The following GRM1 variants were observed in gnomAD, a reference collection of about 807,000 sequenced individuals.
GRM1 encodes glutamate metabotropic receptor 1.
GRM1 carries 33 observed loss-of-function variants against 90.9 expected under a neutral mutation model. That is an observed-to-expected ratio of 0.36 (90% CI 0.28 to 0.49). The LOEUF is 0.49. GRM1 is among the 20% of genes least tolerant of loss of function. The pLI is 0.99. For synonymous variants in GRM1, 700 were observed against 613.2 expected, an observed-to-expected ratio of 1.14 and a Z score of -2.09; for missense variants, 1,190 against 1,534.3, an observed-to-expected ratio of 0.78 and a Z score of 3.75.
At chr6:146,083,038 G>T (rs917516839) in intron 1 of GRM1, among the ~76,000 whole-genome samples, 2 of 152,090 alleles carry the variant, frequency 1.3e-5, no homozygotes, top group African/African-American at 4.8e-5. Context: ...CTCTCTGCTT[G>T]TGTATTGTTG....
chr6:146,074,535 G>T (rs1051635230), intron 1 of GRM1, among the ~76,000 whole-genome samples: 1 of 152,100 alleles, frequency 6.6e-6, no homozygotes, highest in Admixed American at 6.5e-5. Flanking sequence ...TTTGTCAGTC[G>T]TGGGATATTT....
At chr6:146,079,058 A>G (rs919743028) in intron 1 of GRM1, among the ~76,000 whole-genome samples, 1 of 152,202 alleles carries the variant, frequency 6.6e-6, no homozygotes, top group African/African-American at 2.4e-5. Context: ...CGGAGGGGCC[A>G]GGCTCCTCCT....
At chr6:146,386,406 C>T (rs907093290) in intron 5 of GRM1, among the ~76,000 whole-genome samples, 2 of 151,980 alleles carry the variant, frequency 1.3e-5, no homozygotes, top group African/African-American at 2.4e-5. Context: ...TATATAGTTG[C>T]TCTTGAGTGA....
intron 5 of GRM1, among the ~76,000 whole-genome samples, chr6:146,369,580 G>T (rs1388384446): frequency 2.0e-5 from 3 of 151,748 alleles, no homozygotes; most frequent in African/African-American, 7.3e-5. Context: ...TGGACCTATT[G>T]GTCATTCAGT....
intron 2 of GRM1, among the ~76,000 whole-genome samples, chr6:146,286,741 G>C (rs756295234): frequency 6.6e-6 from 1 of 152,152 alleles, no homozygotes; most frequent in Non-Finnish European, 1.5e-5. Context: ...TAAAAACCTG[G>C]TTCAACTGAC....
chr6:146,031,580 C>G (rs1790708912), intron 1 of GRM1, among the ~76,000 whole-genome samples: 1 of 150,668 alleles, frequency 6.6e-6, no homozygotes, highest in South Asian at 2.1e-4. Flanking sequence ...TTGGAAAAAA[C>G]TATCTGCTGT....
intron 2 of GRM1, among the ~76,000 whole-genome samples, chr6:146,259,234 T>C (rs1781593004): frequency 1.3e-5 from 2 of 152,196 alleles, no homozygotes; most frequent in Non-Finnish European, 2.9e-5. Context: ...AAATCTAGGA[T>C]GGTGGCCTGA....
At chr6:146,329,131 T>C (rs918754542) in intron 3 of GRM1, among the ~76,000 whole-genome samples, 2 of 152,290 alleles carry the variant, frequency 1.3e-5, no homozygotes, top group South Asian at 2.1e-4. Flanking sequence ...TCTTAGATCA[T>C]AGATTCCTTA....
intron 2 of GRM1, among the ~76,000 whole-genome samples, chr6:146,227,291 C>T (rs1780275976): frequency 6.6e-6 from 1 of 152,024 alleles, no homozygotes; most frequent in African/African-American, 2.4e-5. Context: ...GCCCCACTTT[C>T]ACAGTGGGGT....
In GRM1 at chr6:146,387,030, C is replaced by T. The variant is rs756861363; in HGVS notation, c.1729+14C>T. ...CAGATCTAACAGGTAGGAACTGCCT[C>T]ACTTGGAAACCTTGTGCCTCACTAT... On this transcript the variant is annotated intron_variant, in intron 6 of 7. Coordinates refer to ENST00000282753, the MANE Select transcript of GRM1 (RefSeq NM_001278064.2). 64 of 1,612,014 alleles carry T rather than the reference C, an allele frequency of 4.0e-5. No individual in the cohort carries two copies. The highest frequency in any genetic ancestry group is 5.2e-5 in the Non-Finnish European group (61 of 1,178,438).
intron 2 of GRM1, among the ~76,000 whole-genome samples, chr6:146,161,242 G>A (rs771846076): frequency 1.3e-5 from 2 of 152,078 alleles, no homozygotes; most frequent in East Asian, 1.9e-4. Flanking sequence ...TCAAAAAAGG[G>A]TTCTGGAGAT....
At chr6:146,039,703 A>T (rs1290558487) in intron 1 of GRM1, among the ~76,000 whole-genome samples, 1 of 151,960 alleles carries the variant, frequency 6.6e-6, no homozygotes, top group African/African-American at 2.4e-5. Flanking sequence ...TTGTCAAGAG[A>T]TGATTAGAGT....
chr6:146,387,408 T>C (rs993821432), intron 6 of GRM1, among the ~76,000 whole-genome samples: 27 of 152,048 alleles, frequency 1.8e-4, no homozygotes, highest in African/African-American at 6.3e-4. Context: ...TTTTATTTTG[T>C]ATAAAATCTA....
At chr6:146,275,366 T>C (rs1273433283) in intron 2 of GRM1, among the ~76,000 whole-genome samples, 1 of 152,084 alleles carries the variant, frequency 6.6e-6, no homozygotes, top group South Asian at 2.1e-4. Flanking sequence ...TTGCTAGGCG[T>C]GTACATGGGA....
chr6:146,339,926 C>T (rs1324730508), intron 3 of GRM1, among the ~76,000 whole-genome samples: 1 of 152,152 alleles, frequency 6.6e-6, no homozygotes, highest in East Asian at 1.9e-4. Flanking sequence ...CTGCAACATC[C>T]CTTGGCACAC....
At chr6:146,086,568 G>A (rs1387657891) in intron 1 of GRM1, among the ~76,000 whole-genome samples, 3 of 151,990 alleles carry the variant, frequency 2.0e-5, no homozygotes, top group Non-Finnish European at 4.4e-5. Flanking sequence ...GATATAAAAA[G>A]TAGGAGATAA....
chr6:146,256,782 A>G (rs1375464841), intron 2 of GRM1, among the ~76,000 whole-genome samples: 3 of 152,112 alleles, frequency 2.0e-5, no homozygotes, highest in Admixed American at 2.0e-4. Context: ...GGTCCGTCCT[A>G]TACAATGCTG....
intron 2 of GRM1, among the ~76,000 whole-genome samples, chr6:146,283,335 T>G (rs1329431771): frequency 6.6e-6 from 1 of 152,180 alleles, no homozygotes; most frequent in East Asian, 1.9e-4. Context: ...AAGTCCTGAG[T>G]TAAGAATGTC....
Position 146,215,130 on chromosome 6 carries a change from G to T in GRM1, c.950+55533G>T, listed in dbSNP as rs150780991. ...CATATTTGTTATTGTTTTGTATAAAGTCCACTCAAACCACCATTTTTGCCT... is the reference window on the plus strand; with the variant it reads ...CATATTTGTTATTGTTTTGTATAAATTCCACTCAAACCACCATTTTTGCCT... On this transcript the variant is annotated intron_variant, in intron 2 of 7. Coordinates refer to ENST00000282753, the MANE Select transcript of GRM1 (RefSeq NM_001278064.2). Among the ~76,000 whole-genome samples, 402 of 152,270 alleles carry T rather than the reference G, an allele frequency of 2.6e-3. 3 individuals are homozygous for T. The highest frequency in any genetic ancestry group is 8.9e-3 in the African/African-American group (369 of 41,556).
Sources: allele counts gnomAD v4.1 joint callset (sites outside exome capture counted in the v4.1 genomes callset), GRCh38; gene constraint gnomAD v4.1.1; transcripts MANE v1.5; gene names NCBI Gene and HGNC (gene_info 2026-07-23, HGNC 2026-07-21).